Variants in TCF4 observed in about 807,000 individuals in gnomAD.
TCF4 encodes SL3-3 enhancer factor 2.
A neutral mutation model predicts 82.1 loss-of-function variants in TCF4; 3 were observed. The ratio of observed to expected loss-of-function variants is 0.04; its 90% CI spans 0.02 to 0.09. The LOEUF is 0.09. TCF4 is among the 10% of genes least tolerant of loss of function. The pLI is 1.00. For synonymous variants in TCF4, 276 were observed against 309.6 expected (o/e 0.89, Z 1.14); for missense variants, 518 against 852.7 (o/e 0.61, Z 4.89).
In TCF4 at chr18:55,623,026, C is replaced by G. The variant is rs545513615; in HGVS notation, c.286+8272G>C. On this transcript the variant is annotated intron_variant, in intron 2 of 20. Transcript: ENST00000398339. Reference sequence around the variant, plus strand: ...AAGAGATTCCCAAGTCCATCTCACTCATTTTATAGCTAATAAAATTGTGAA... The same window carrying G: ...AAGAGATTCCCAAGTCCATCTCACTGATTTTATAGCTAATAAAATTGTGAA... 5.9e-5 allele frequency among the ~76,000 whole-genome samples: 9 copies of G among 152,186 alleles called. No individual in the cohort carries two copies. In the East Asian group the frequency reaches 1.5e-3, roughly 26 times the overall value.
At chr18:55,464,041 G>A (rs755689342) in intron 4 of TCF4, 35 bp downstream of exon 4, 46 of 1,595,762 alleles carry the variant, frequency 2.9e-5, no homozygotes, top group Non-Finnish European at 3.9e-5. Context: ...TATGTGGGAT[G>A]TCTGGTTGTG....
intron 11 of TCF4, 147 bp downstream of exon 11, chr18:55,269,684 T>TG: frequency 1.8e-6 from 2 of 1,083,488 alleles, no homozygotes. Context: ...ATTTTACTTC[T>TG]GTTTGGTACA....
At chr18:55,531,663 C>A (rs2097065073) in intron 3 of TCF4, among the ~76,000 whole-genome samples, 1 of 152,192 alleles carries the variant, frequency 6.6e-6, no homozygotes, top group Admixed American at 6.5e-5. Flanking sequence ...TAAATGGTAT[C>A]TGTGTTATTC....
At chr18:55,423,425 GCGCACACACACACACACA>G (rs2094853941) in intron 5 of TCF4, 1 of 141,590 alleles carries the variant, frequency 7.1e-6, no homozygotes, top group Non-Finnish European at 1.6e-5. Context: ...ACACGCGCGC[GCGCACACACACACACACA>G]CACACACACA....
intron 2 of TCF4, among the ~76,000 whole-genome samples, chr18:55,597,514 C>T (rs924752834): frequency 1.3e-5 from 2 of 151,724 alleles, no homozygotes; most frequent in Admixed American, 1.3e-4. Flanking sequence ...AAAAAATACA[C>T]AAATTAGCTG....
Position 55,257,500 on chromosome 18 carries a change from T to C in TCF4, c.1070-109A>G, listed in dbSNP as rs942466147. ...TGGCAATGGCAATGATGATTTTCAT[T>C]TAAACAACAACGTAAATACATGTAA... On this transcript the variant is annotated intron_variant, in intron 13 of 19. Transcript: ENST00000354452. 1.3e-4 allele frequency: 143 copies of C among 1,067,030 alleles called. No individual in the cohort carries two copies. In the East Asian group the frequency reaches 3.4e-3, roughly 26 times the overall value. 66.1% of individuals were successfully genotyped at this position (1,067,030 alleles called of 1,614,324 possible).
Position 55,228,273 on chromosome 18 carries a change from G to C in TCF4, c.1968C>G (p.Gly656=). 3.1e-6 allele frequency: 5 copies of C among 1,614,114 alleles called. No individual in the cohort carries two copies. Among genetic ancestry groups the C allele is most frequent in the Non-Finnish European group, 4.2e-6 (5 of 1,180,012 alleles). The change falls in exon 19 of 20, where the codon GGC becomes GGG. Residue 656 remains glycine, a synonymous_variant. Coordinates refer to ENST00000354452, the MANE Select transcript of TCF4 (RefSeq NM_001083962.2). ...ATGCGTCTCCCATTCCAGGGTGTGG[G>C]CCGGCCAAGGAGAGAGGGGGAGGCT... ...SSEPPPLSLA[G]PHPGMGDASN... is the part of the protein sequence containing the mutation.
chr18:55,554,794 C>A (rs186688691), intron 3 of TCF4, among the ~76,000 whole-genome samples: 94 of 152,286 alleles, frequency 6.2e-4, no homozygotes, highest in Non-Finnish European at 1.1e-3. Flanking sequence ...GCATTTATTT[C>A]TCCATAAAGG....
At chr18:55,325,615 C>T (rs1047345046) in intron 8 of TCF4, among the ~76,000 whole-genome samples, 1 of 152,170 alleles carries the variant, frequency 6.6e-6, no homozygotes, top group Non-Finnish European at 1.5e-5. Flanking sequence ...CATTTTTCTC[C>T]TCCCGAATAT....
chr18:55,552,947 T>C (rs1273991450), intron 3 of TCF4, among the ~76,000 whole-genome samples: 2 of 152,258 alleles, frequency 1.3e-5, no homozygotes, highest in Non-Finnish European at 2.9e-5. Flanking sequence ...GTTTTCTCTC[T>C]ACTCGCTCAC....
intron 8 of TCF4, among the ~76,000 whole-genome samples, chr18:55,299,309 G>A (rs1254318594): frequency 1.3e-5 from 2 of 152,132 alleles, no homozygotes; most frequent in Non-Finnish European, 2.9e-5. Context: ...CTACTTGGGA[G>A]GCTGAGACAG....
intron 3 of TCF4, among the ~76,000 whole-genome samples, chr18:55,532,302 A>G (rs943316898): frequency 5.3e-5 from 8 of 152,174 alleles, no homozygotes; most frequent in Non-Finnish European, 1.2e-4. Context: ...ATCATCATCA[A>G]CACGCCATGG....
At chr18:55,599,157 G>T (rs1441169989) in intron 2 of TCF4, among the ~76,000 whole-genome samples, 1 of 152,202 alleles carries the variant, frequency 6.6e-6, no homozygotes, top group Non-Finnish European at 1.5e-5. Flanking sequence ...CTTCTCAACT[G>T]GTGGGGAGGG....
rs77459369 is a variant in TCF4 at position 55,478,389 on chromosome 18, A to C, written c.146-14252T>G. On this transcript the variant is annotated intron_variant, in intron 3 of 19. Transcript: ENST00000354452. ...CATGGATCATTGCTTCAACCTTTCCATGTAAAACCAAATCAAATTCAAAAA... is the reference window on the plus strand; with the variant it reads ...CATGGATCATTGCTTCAACCTTTCCCTGTAAAACCAAATCAAATTCAAAAA... Among the ~76,000 whole-genome samples the C allele has an allele frequency of 1.5e-4, 23 of 152,310 alleles. No homozygotes were observed. In the East Asian group the frequency reaches 4.2e-3, roughly 28 times the overall value.
At chr18:55,335,402 T>C (rs1289119961) in intron 8 of TCF4, among the ~76,000 whole-genome samples, 1 of 152,216 alleles carries the variant, frequency 6.6e-6, no homozygotes, top group African/African-American at 2.4e-5. Flanking sequence ...TAAATGCTCC[T>C]GAGGTAGGTG....
intron 3 of TCF4, among the ~76,000 whole-genome samples, chr18:55,474,688 G>T (rs2096253660): frequency 6.6e-6 from 1 of 152,142 alleles, no homozygotes; most frequent in Non-Finnish European, 1.5e-5. Flanking sequence ...AAAAGATCAA[G>T]GGTTGAAGTC....
chr18:55,320,999 G>A (rs1331107446), intron 8 of TCF4: 1 of 152,588 alleles, frequency 6.6e-6, no homozygotes, highest in African/African-American at 2.4e-5. Context: ...GAAATTGAGG[G>A]AAGAAGCCAC....
chr18:55,530,283 C>A (rs1248607845), intron 3 of TCF4, among the ~76,000 whole-genome samples: 1 of 152,054 alleles, frequency 6.6e-6, no homozygotes, highest in Non-Finnish European at 1.5e-5. Context: ...GCTCCGTGCA[C>A]TTTAGGTTTA....
chr18:55,459,373 A>G (rs955516431), intron 5 of TCF4, among the ~76,000 whole-genome samples: 1 of 152,222 alleles, frequency 6.6e-6, no homozygotes, highest in African/African-American at 2.4e-5. Flanking sequence ...GTATTCTGTA[A>G]TATTAATTTA....
Sources: allele counts gnomAD v4.1 joint callset (sites outside exome capture counted in the v4.1 genomes callset), GRCh38; gene constraint gnomAD v4.1.1; transcripts MANE v1.5; gene names NCBI Gene and HGNC (gene_info 2026-07-23, HGNC 2026-07-21).